ANAPC10: variants seen among roughly 807,000 people sequenced by gnomAD.
ANAPC10 encodes the protein anaphase promoting complex subunit 10.
Under a neutral mutation model 22.0 loss-of-function variants are expected in ANAPC10, and 12 were observed. The ratio of observed to expected loss-of-function variants is 0.55; its 90% confidence interval spans 0.35 to 0.88. ANAPC10 has a LOEUF of 0.88. Among genes scored for constraint, ANAPC10 ranks in the 40% least tolerant of loss-of-function variants. The pLI, the probability that ANAPC10 is intolerant of heterozygous loss-of-function variation, is 0.01. For missense variants in ANAPC10, 188 were observed against 220.9 expected, an observed-to-expected ratio of 0.85 and a Z score of 0.94; for synonymous variants, 65 against 69.5, an observed-to-expected ratio of 0.94 and a Z score of 0.32.
chr4:145,052,012 G>A (rs1741175414), intron 4 of ANAPC10, among the ~76,000 whole-genome samples: 1 of 152,022 alleles, frequency 6.6e-6, no homozygotes, highest in Non-Finnish European at 1.5e-5. Context: ...TAAAAAATTG[G>A]AGTGAAAAAA....
chr4:145,019,308 T>C (rs939637293), intron 4 of ANAPC10, among the ~76,000 whole-genome samples: 2 of 152,082 alleles, frequency 1.3e-5, no homozygotes, highest in Admixed American at 6.6e-5. Context: ...CTTCAAAACA[T>C]GCAAATACAT....
At chr4:145,074,380 T>C (rs1744905148) in intron 3 of ANAPC10, among the ~76,000 whole-genome samples, 1 of 152,092 alleles carries the variant, frequency 6.6e-6, no homozygotes, top group Admixed American at 6.5e-5. Context: ...TATATTCTAT[T>C]CAAATTTTTA....
chr4:145,030,455 A>C (rs1737390494), intron 4 of ANAPC10, among the ~76,000 whole-genome samples: 1 of 152,172 alleles, frequency 6.6e-6, no homozygotes, highest in Non-Finnish European at 1.5e-5. Flanking sequence ...CATTTTGGGG[A>C]CTACTGGACA....
intron 4 of ANAPC10, among the ~76,000 whole-genome samples, chr4:145,034,575 G>GTGTGTGCA (rs750027962): frequency 8.0e-6 from 1 of 125,656 alleles, no homozygotes; most frequent in African/African-American, 3.4e-5. Flanking sequence ...GTGTGTGTGT[G>GTGTGTGCA]TATATATCCC....
intron 3 of ANAPC10, among the ~76,000 whole-genome samples, chr4:145,076,796 C>A (rs924901817): frequency 6.6e-6 from 1 of 152,188 alleles, no homozygotes; most frequent in Non-Finnish European, 1.5e-5. Context: ...AAACTCACTA[C>A]AAGGATTTCA....
intron 3 of ANAPC10, among the ~76,000 whole-genome samples, chr4:145,078,110 C>T (rs548589955): frequency 6.2e-4 from 94 of 152,214 alleles, no homozygotes; most frequent in African/African-American, 2.2e-3. Context: ...TATAATTCTA[C>T]ACCTAGAAAA....
chr4:145,018,388 C>G (rs949415821), intron 4 of ANAPC10, among the ~76,000 whole-genome samples: 1 of 151,978 alleles, frequency 6.6e-6, no homozygotes, highest in Non-Finnish European at 1.5e-5. Flanking sequence ...AATCCCAAGG[C>G]TTTGGGAGGC....
intron 2 of ANAPC10, among the ~76,000 whole-genome samples, chr4:145,093,973 A>G (rs1748096320): frequency 6.6e-6 from 1 of 152,234 alleles, no homozygotes; most frequent in Non-Finnish European, 1.5e-5. Flanking sequence ...CTCAAAAGTC[A>G]TATACCATCA....
At chr4:145,051,331 G>A (rs767143908) in intron 4 of ANAPC10, among the ~76,000 whole-genome samples, 8 of 152,008 alleles carry the variant, frequency 5.3e-5, no homozygotes, top group East Asian at 1.9e-4. Flanking sequence ...GGTTCATGGC[G>A]TCCCAAAACA....
intron 4 of ANAPC10, among the ~76,000 whole-genome samples, chr4:145,023,660 A>C (rs1423945310): frequency 3.9e-5 from 6 of 152,184 alleles, no homozygotes; most frequent in Admixed American, 3.3e-4. Flanking sequence ...TACATCTAAG[A>C]AAACAATTTA....
At chr4:145,038,012 A>T (rs1278953940) in intron 4 of ANAPC10, among the ~76,000 whole-genome samples, 1 of 151,480 alleles carries the variant, frequency 6.6e-6, no homozygotes, top group Non-Finnish European at 1.5e-5. Flanking sequence ...CCTACCTTTT[A>T]AACAACTGAT....
At position 145,064,631 on chromosome 4, in the gene ANAPC10, T is replaced by C; in HGVS notation, c.268A>G (p.Thr90Ala). The part of the protein sequence containing the change: ...YADYKSDESY[T>A]PSKISVRVGN... ...ACTCTGACTGAGATCTTGCTTGGAG[T>C]ATAGCTTTCATCAGATTTGTAGTCT... is the stretch of plus-strand genomic sequence containing the variant. The change falls in exon 4 of 5, where the codon ACT (threonine) becomes GCT (alanine). Residue 90 changes from threonine to alanine, a missense_variant. Coordinates refer to ENST00000507656, the MANE Select transcript of ANAPC10 (RefSeq NM_001256706.2). The C allele has an allele frequency of 2.5e-6, 4 of 1,605,912 alleles. No homozygotes were observed. The highest frequency in any genetic ancestry group is 1.1e-5 in the South Asian group (1 of 89,818).
intron 2 of ANAPC10, among the ~76,000 whole-genome samples, chr4:145,084,368 A>C (rs764741448): frequency 6.6e-6 from 1 of 152,198 alleles, no homozygotes; most frequent in African/African-American, 2.4e-5. Context: ...GTCATGAATC[A>C]AGAAAAATGG....
intron 4 of ANAPC10, chr4:145,033,029 T>C (rs2127068632): frequency 6.6e-6 from 1 of 152,354 alleles, no homozygotes; most frequent in South Asian, 2.1e-4. Flanking sequence ...CTCATGGAAT[T>C]CACTGGTCTT....
intron 2 of ANAPC10, among the ~76,000 whole-genome samples, chr4:145,093,688 G>A (rs969668340): frequency 6.6e-6 from 1 of 151,738 alleles, no homozygotes; most frequent in African/African-American, 2.4e-5. Context: ...TAATATCACA[G>A]ATGAAAAATT....
At chr4:145,032,539 C>T (rs576708479) in intron 4 of ANAPC10, among the ~76,000 whole-genome samples, 115 of 152,322 alleles carry the variant, frequency 7.5e-4, no homozygotes, top group African/African-American at 2.7e-3. Flanking sequence ...TTAATAATCA[C>T]ATGGATAGGA....
At chr4:145,010,788 C>G (rs1037969697) in intron 4 of ANAPC10, among the ~76,000 whole-genome samples, 3 of 151,684 alleles carry the variant, frequency 2.0e-5, no homozygotes, top group African/African-American at 4.9e-5. Flanking sequence ...CAAACCTGCA[C>G]GTTGTGCACA....
At chr4:145,024,714 A>C (rs1248670102) in intron 4 of ANAPC10, among the ~76,000 whole-genome samples, 6 of 152,186 alleles carry the variant, frequency 3.9e-5, no homozygotes, top group Non-Finnish European at 7.3e-5. Context: ...GAACAGATTT[A>C]GCATAATTCT....
Position 145,064,576 on chromosome 4 carries a change from A to C in ANAPC10, c.323T>G (p.Ile108Ser). The change falls in exon 4 of 5, where the codon ATT becomes AGT. Residue 108 changes from isoleucine to serine, a missense_variant. Physicochemically the swap from Ile to Ser is moderately radical, Grantham distance 142 (BLOSUM62 -2). Coordinates refer to ENST00000507656, the MANE Select transcript of ANAPC10 (RefSeq NM_001256706.2). ...VGNNFHNLQE[I>S]RQLELVEPSG... is the part of the protein sequence containing the mutation. ...TTAAAAATTTGAAAGACATACCCGAATTTCTTGAAGGTTGTGAAAATTATT... is the reference window on the plus strand; with the variant it reads ...TTAAAAATTTGAAAGACATACCCGACTTTCTTGAAGGTTGTGAAAATTATT... 1.2e-6 allele frequency: 2 copies of C among 1,602,450 alleles called. No individual in the cohort carries two copies. Among genetic ancestry groups the C allele is most frequent in the Non-Finnish European group, 1.7e-6 (2 of 1,175,260 alleles).
Sources: allele counts gnomAD v4.1 joint callset (sites outside exome capture counted in the v4.1 genomes callset), GRCh38; gene constraint gnomAD v4.1.1; transcripts MANE v1.5; gene names NCBI Gene and HGNC (gene_info 2026-07-23, HGNC 2026-07-21).